PLEKHG1: variants seen among roughly 807,000 people sequenced by gnomAD.
The protein encoded by PLEKHG1 is pleckstrin homology domain-containing family G member 1.
PLEKHG1 carries 44 observed loss-of-function variants against 100.8 expected under a neutral mutation model. The observed-to-expected ratio is 0.44, with a 90% CI of 0.34 to 0.56. PLEKHG1 has a LOEUF of 0.56. Ranked by LOEUF, PLEKHG1 falls within the 20% of genes least tolerant of loss-of-function variation. The pLI, the probability that PLEKHG1 is intolerant of heterozygous loss-of-function variation, is 0.01. For synonymous variants in PLEKHG1, 640 were observed against 662.5 expected, an observed-to-expected ratio of 0.97 and a Z score of 0.52; for missense variants, 1,545 against 1,720.9, an observed-to-expected ratio of 0.90 and a Z score of 1.81.
chr6:150,697,590 C>A (rs1780599312), intron 3 of PLEKHG1, among the ~76,000 whole-genome samples: 1 of 152,172 alleles, frequency 6.6e-6, no homozygotes, highest in South Asian at 2.1e-4. Flanking sequence ...GAGCCCAAAC[C>A]AGAAGTTTGG....
At chr6:150,601,102 C>G (rs1315556346) in intron 1 of PLEKHG1, among the ~76,000 whole-genome samples, 1 of 152,174 alleles carries the variant, frequency 6.6e-6, no homozygotes, top group Non-Finnish European at 1.5e-5. Context: ...GGGGGAAAGA[C>G]TAGAATGTTA....
At chr6:150,703,186 C>CT (rs11379758) in intron 3 of PLEKHG1, among the ~76,000 whole-genome samples, 83,683 of 151,866 alleles carry the variant, frequency 0.55, 23,447 homozygotes, top group African/African-American at 0.67. Context: ...CACTTCTCTC[C>CT]TTCCTAACTC....
intron 4 of PLEKHG1, among the ~76,000 whole-genome samples, chr6:150,792,504 C>A (rs1420291133): frequency 1.3e-5 from 2 of 151,752 alleles, no homozygotes; most frequent in African/African-American, 4.8e-5. Flanking sequence ...TAAACCCCAT[C>A]TCTACTAAAG....
At chr6:150,648,804 G>T (rs1778599925) in intron 2 of PLEKHG1, among the ~76,000 whole-genome samples, 1 of 152,110 alleles carries the variant, frequency 6.6e-6, no homozygotes, top group Non-Finnish European at 1.5e-5. Context: ...TTTTGGTTCA[G>T]TGTTGATAAT....
chr6:150,750,780 CAAAAAAAAAAA>C (rs1158670858), intron 2 of PLEKHG1, among the ~76,000 whole-genome samples: 2 of 37,404 alleles, frequency 5.3e-5, no homozygotes, highest in Non-Finnish European at 1.1e-4. Context: ...GACTCCATCT[CAAAAAAAAAAA>C]AAAAAAAAAA....
At chr6:150,701,459 A>ATG (rs1780781780) in intron 3 of PLEKHG1, among the ~76,000 whole-genome samples, 1 of 82,724 alleles carries the variant, frequency 1.2e-5, no homozygotes, top group Admixed American at 1.1e-4. Context: ...ATATATATAT[A>ATG]TATATATAAT....
At chr6:150,840,769 T>G (rs1777491131) in exon 16 of PLEKHG1, 1 of 1,614,144 alleles carries the variant, frequency 6.2e-7, no homozygotes, top group Middle Eastern at 1.6e-4. Flanking sequence ...TCACCATATC[T>G]GACACCATAT....
At chr6:150,660,521 T>C (rs1409130972) in intron 3 of PLEKHG1, among the ~76,000 whole-genome samples, 1 of 152,206 alleles carries the variant, frequency 6.6e-6, no homozygotes, top group Non-Finnish European at 1.5e-5. Flanking sequence ...GAGAGTCTGA[T>C]GGAGAGGATG....
At chr6:150,736,449 T>G (rs192426748) in intron 2 of PLEKHG1, among the ~76,000 whole-genome samples, 2 of 152,358 alleles carry the variant, frequency 1.3e-5, no homozygotes, top group East Asian at 3.9e-4. Context: ...GCATACACTA[T>G]GTTTTACCTG....
intron 1 of PLEKHG1, among the ~76,000 whole-genome samples, chr6:150,727,250 A>G (rs1782004962): frequency 6.6e-6 from 1 of 152,206 alleles, no homozygotes; most frequent in Admixed American, 6.5e-5. Flanking sequence ...TGCTGTGAGT[A>G]GAATTTCTGT....
chr6:150,835,053 G>A (rs59887270), intron 15 of PLEKHG1, among the ~76,000 whole-genome samples: 2 of 152,228 alleles, frequency 1.3e-5, no homozygotes, highest in African/African-American at 4.8e-5. Flanking sequence ...GCTTGCTCTC[G>A]GTGCTGTGCG....
At chr6:150,674,082 C>T (rs1038266611) in intron 3 of PLEKHG1, among the ~76,000 whole-genome samples, 1 of 152,130 alleles carries the variant, frequency 6.6e-6, no homozygotes, top group Admixed American at 6.5e-5. Context: ...AAAAAAGAAT[C>T]TTTGAATGTG....
intron 13 of PLEKHG1, among the ~76,000 whole-genome samples, chr6:150,821,997 G>A (rs1468190601): frequency 1.3e-5 from 2 of 150,228 alleles, no homozygotes; most frequent in African/African-American, 4.9e-5. Context: ...ATGTGCCACC[G>A]CGCCTGGCTA....
At chr6:150,703,320 T>C (rs4869938) in intron 3 of PLEKHG1, among the ~76,000 whole-genome samples, 29,648 of 152,076 alleles carry the variant, frequency 0.19, 5,022 homozygotes, top group African/African-American at 0.47. Flanking sequence ...GAAAAGCTCT[T>C]GTCTGGCTGG....
intron 3 of PLEKHG1, among the ~76,000 whole-genome samples, chr6:150,694,449 C>T (rs1285673878): frequency 3.3e-5 from 5 of 151,680 alleles, no homozygotes; most frequent in African/African-American, 9.7e-5. Context: ...GCTATAATCC[C>T]AGCACTTTGG....
At chr6:150,620,679 A>T (rs1035416493) in intron 1 of PLEKHG1, among the ~76,000 whole-genome samples, 5 of 152,166 alleles carry the variant, frequency 3.3e-5, no homozygotes, top group African/African-American at 1.2e-4. Context: ...GTATGTCTAT[A>T]TGTGTGTTCA....
At chr6:150,781,759 T>G (rs1158470394) in intron 3 of PLEKHG1, among the ~76,000 whole-genome samples, 1 of 151,698 alleles carries the variant, frequency 6.6e-6, no homozygotes, top group Non-Finnish European at 1.5e-5. Context: ...TTTTAAAAGA[T>G]CCTTTCTTTT....
chr6:150,764,415 G>A lies in PLEKHG1; in HGVS notation c.412-4223G>A, dbSNP rs9371470. Among the ~76,000 whole-genome samples the A allele has an allele frequency of 3.6e-3, 545 of 152,188 alleles. 19 individuals carry two copies. In the East Asian group the frequency reaches 0.057, roughly 16 times the overall value. On this transcript the variant is annotated intron_variant, in intron 2 of 15. Transcript: ENST00000358517. ...ATTACAGGCATGAGCCACTGCACCC[G>A]GCCCTGTTTTCTTTATTGATGATGG...
At chr6:150,809,329 A>G in intron 8 of PLEKHG1, 42 bp downstream of exon 9, 7 of 1,610,558 alleles carry the variant, frequency 4.3e-6, no homozygotes, top group Non-Finnish European at 5.9e-6. Context: ...TCAGATCCCC[A>G]GTTCTGTTCC....
Sources: allele counts gnomAD v4.1 joint callset (sites outside exome capture counted in the v4.1 genomes callset), GRCh38; gene constraint gnomAD v4.1.1; transcripts MANE v1.5; gene names NCBI Gene and HGNC (gene_info 2026-07-23, HGNC 2026-07-21).